Variants in ADGB observed in about 807,000 individuals in gnomAD.
The protein encoded by ADGB is androglobin.
Under a neutral mutation model 210.5 loss-of-function variants are expected in ADGB, and 172 were observed. The observed-to-expected ratio is 0.82, with a 90% CI of 0.72 to 0.93. The LOEUF (loss-of-function observed/expected upper bound fraction) is 0.93. Ranked by LOEUF, ADGB falls within the 40% of genes least tolerant of loss-of-function variation. ADGB has a pLI of 0.00. For missense variants in ADGB, 2,025 were observed against 1,964.8 expected, an observed-to-expected ratio of 1.03 and a Z score of -0.58; for synonymous variants, 658 against 662.7, an observed-to-expected ratio of 0.99 and a Z score of 0.11.
chr6:146,710,316 G>A (rs1776641811), intron 13 of ADGB, among the ~76,000 whole-genome samples: 2 of 151,760 alleles, frequency 1.3e-5, no homozygotes, highest in Non-Finnish European at 2.9e-5. Context: ...AAAATGATGA[G>A]ACCAATTTTA....
intron 4 of ADGB, among the ~76,000 whole-genome samples, chr6:146,656,025 T>G (rs915203774): frequency 6.7e-6 from 1 of 148,774 alleles, no homozygotes; most frequent in East Asian, 2.1e-4. Context: ...ATACTGTTTC[T>G]AGTCCTCACA....
chr6:146,681,099 G>T (rs1303508532), intron 9 of ADGB, among the ~76,000 whole-genome samples: 1 of 152,106 alleles, frequency 6.6e-6, no homozygotes, highest in Non-Finnish European at 1.5e-5. Context: ...AAAAGTCCAG[G>T]ATATATTTTG....
intron 35 of ADGB, among the ~76,000 whole-genome samples, chr6:146,814,640 CAG>C (rs1323651956): frequency 6.6e-6 from 1 of 152,166 alleles, no homozygotes; most frequent in Non-Finnish European, 1.5e-5. Flanking sequence ...AAGTACAGCT[CAG>C]ATATATTTTG....
intron 27 of ADGB, among the ~76,000 whole-genome samples, chr6:146,763,694 A>G (rs1229910372): frequency 4.6e-5 from 7 of 152,202 alleles, no homozygotes; most frequent in Admixed American, 3.3e-4. Context: ...GTGGTTACTC[A>G]GAATATACAT....
rs1322869773 is a variant in ADGB at position 146,717,642 on chromosome 6, T to C, written c.1992+43T>C. ...TTTTCTATTCTCTTTAAATTTTTGG[T>C]AGAATTGCACCCGTAGAAAACATCT... On this transcript the variant is annotated intron_variant, in intron 16 of 35. Transcript: ENST00000397944. The C allele has an allele frequency of 5.9e-6, 6 of 1,012,736 alleles. No homozygotes were observed. The African/African-American group carries it at 1.0e-4, about 17-fold the overall frequency. The allele number at this position is 1,012,736 out of a possible 1,614,324, so 62.7% of individuals were successfully genotyped here. A position where few individuals can be genotyped will look rare whatever the true frequency, so the allele number is the denominator to read the frequency against.
In ADGB at chr6:146,756,507, A is replaced by C. The variant is rs532371567; in HGVS notation, c.3550+3793A>C. On this transcript the variant is annotated intron_variant, in intron 27 of 35. Coordinates refer to ENST00000397944, the MANE Select transcript of ADGB (RefSeq NM_024694.4). ...CATTTATCTCATTATTATGATTTAT[A>C]GAATGTAAAATATTACATATACATA... is the stretch of plus-strand genomic sequence containing the variant. 7.2e-5 allele frequency among the ~76,000 whole-genome samples: 11 copies of C among 152,252 alleles called. No individual in the cohort carries two copies. In the South Asian group the frequency reaches 2.3e-3, roughly 32 times the overall value.
Position 146,623,567 on chromosome 6 carries a change from C to T in ADGB, c.75-11808C>T, listed in dbSNP as rs1008829009. On this transcript the variant is annotated intron_variant, in intron 1 of 35. Transcript: ENST00000397944. ...GTATCCTGAAACATGGCTAAACTCA[C>T]TTATCATTTATGAAAGTTTTAATAC... is the stretch of plus-strand genomic sequence containing the variant. Among the ~76,000 whole-genome samples the T allele has an allele frequency of 1.7e-4, 26 of 151,880 alleles. 1 individual carries two copies. Among genetic ancestry groups the T allele is most frequent in the African/African-American group, 5.3e-4 (22 of 41,420 alleles).
intron 5 of ADGB, 84 bp from the exon 6 acceptor site, chr6:146,664,117 G>A: frequency 7.6e-7 from 1 of 1,319,452 alleles, no homozygotes; most frequent in Non-Finnish European, 1.0e-6. Context: ...ACGGTAAATA[G>A]TAATGTCAGC....
chr6:146,687,097 G>T (rs1050942113), intron 10 of ADGB, among the ~76,000 whole-genome samples: 1 of 152,000 alleles, frequency 6.6e-6, no homozygotes, highest in Non-Finnish European at 1.5e-5. Flanking sequence ...GTTCATAAGA[G>T]GATTATGTGC....
At chr6:146,608,732 G>T (rs933462946) in intron 1 of ADGB, among the ~76,000 whole-genome samples, 5 of 152,086 alleles carry the variant, frequency 3.3e-5, no homozygotes, top group African/African-American at 1.2e-4. Flanking sequence ...TGGTCCAAGA[G>T]TGATTGGTAT....
In ADGB at chr6:146,745,951, T is replaced by A; in HGVS notation, c.3207T>A (p.Phe1069Leu). 2 of 1,549,608 alleles carry A rather than the reference T, an allele frequency of 1.3e-6. No individual in the cohort carries two copies. The change falls in exon 26 of 36, where the codon TTT (phenylalanine) becomes TTA (leucine). Residue 1069 changes from phenylalanine (F) to leucine (L), a missense_variant. Coordinates refer to ENST00000397944, the MANE Select transcript of ADGB (RefSeq NM_024694.4). ...GATACACTTTTGTGGCGGAAGCATTTACAGGCGACACATATGTAGCAGCCT... is the reference window on the plus strand; with the variant it reads ...GATACACTTTTGTGGCGGAAGCATTAACAGGCGACACATATGTAGCAGCCT... ...KKGYTFVAEA[F>L]TGDTYVAASR...
At chr6:146,785,409 A>T (rs1203956557) in intron 31 of ADGB, among the ~76,000 whole-genome samples, 1 of 152,158 alleles carries the variant, frequency 6.6e-6, no homozygotes, top group African/African-American at 2.4e-5. Context: ...TCTATTCTCA[A>T]AAATAACTGT....
intron 15 of ADGB, among the ~76,000 whole-genome samples, 164 bp from the exon 16 acceptor site, chr6:146,717,372 A>C (rs1776751626): frequency 2.0e-5 from 3 of 152,320 alleles, no homozygotes; most frequent in Non-Finnish European, 4.4e-5. Context: ...AAATGAAGAA[A>C]TCTTATTCAC....
chr6:146,601,696 C>T (rs1036423496), intron 1 of ADGB, among the ~76,000 whole-genome samples: 1 of 152,294 alleles, frequency 6.6e-6, no homozygotes, highest in Non-Finnish European at 1.5e-5. Flanking sequence ...AAGAAAAAGT[C>T]TTCAGAGCCT....
intron 29 of ADGB, among the ~76,000 whole-genome samples, chr6:146,780,367 T>G (rs1157854156): frequency 6.6e-6 from 1 of 152,160 alleles, no homozygotes. Context: ...TTATTTTAAA[T>G]GTAAGTTAAG....
At chr6:146,663,353 C>T (rs1775893299) in intron 5 of ADGB, among the ~76,000 whole-genome samples, 1 of 151,390 alleles carries the variant, frequency 6.6e-6, no homozygotes, top group Admixed American at 6.6e-5. Flanking sequence ...GAGATCAAGG[C>T]ACTGGTAGAT....
At chr6:146,609,937 A>G (rs1246796001) in intron 1 of ADGB, among the ~76,000 whole-genome samples, 2 of 151,800 alleles carry the variant, frequency 1.3e-5, no homozygotes, top group Non-Finnish European at 2.9e-5. Context: ...TGCCTTTAAT[A>G]TTTCTTTCAT....
intron 19 of ADGB, among the ~76,000 whole-genome samples, chr6:146,726,587 C>T (rs950332649): frequency 1.3e-5 from 2 of 152,140 alleles, no homozygotes; most frequent in African/African-American, 4.8e-5. Flanking sequence ...TTATTTTATA[C>T]TCAACTTACT....
intron 1 of ADGB, among the ~76,000 whole-genome samples, chr6:146,614,893 T>C (rs1780768039): frequency 6.6e-6 from 1 of 151,850 alleles, no homozygotes; most frequent in Non-Finnish European, 1.5e-5. Context: ...AGAGAGTAAA[T>C]GGGGAGATCT....
Sources: gnomAD v4.1 joint callset for allele counts (sites outside exome capture counted in the v4.1 genomes callset) on GRCh38, gnomAD v4.1.1 for gene constraint, MANE v1.5 for transcripts, NCBI Gene and HGNC (gene_info 2026-07-23, HGNC 2026-07-21) for gene names.